Variants in CACNA1C observed in about 807,000 individuals in gnomAD.
CACNA1C encodes the protein calcium voltage-gated channel subunit alpha1 C.
In CACNA1C, 30 loss-of-function variants were observed where a neutral mutation model predicts 229.0. That is an observed-to-expected ratio of 0.13 (90% confidence interval 0.10 to 0.18). The LOEUF is 0.18. CACNA1C is among the 10% of genes least tolerant of loss of function. The pLI is 1.00. For synonymous variants in CACNA1C, 1,114 were observed against 1,132.5 expected, an observed-to-expected ratio of 0.98 and a Z score of 0.33; for missense variants, 1,658 against 2,845.0, an observed-to-expected ratio of 0.58 and a Z score of 9.49.
intron 13 of CACNA1C, among the ~76,000 whole-genome samples, chr12:2,573,032 T>A (rs566221438): frequency 6.6e-6 from 1 of 151,020 alleles, no homozygotes; most frequent in Non-Finnish European, 1.5e-5. Flanking sequence ...TTCTTCTTCC[T>A]TTTCTTCTTC....
At chr12:2,336,803 A>G (rs1167104008) in intron 3 of CACNA1C, among the ~76,000 whole-genome samples, 3 of 152,096 alleles carry the variant, frequency 2.0e-5, no homozygotes, top group Non-Finnish European at 4.4e-5. Flanking sequence ...CTTCAGAATT[A>G]ACACAACAGC....
chr12:2,674,770 T>G, intron 39 of CACNA1C, 128 bp downstream of exon 39: 1 of 886,374 alleles, frequency 1.1e-6, no homozygotes, highest in Non-Finnish European at 1.7e-6. Context: ...TTGAGTCCCC[T>G]AGGCTTGCTG....
Position 2,467,218 on chromosome 12 carries a change from CCG to C in CACNA1C, c.757+9514_757+9515del, listed in dbSNP as rs1364652540. Among the ~76,000 whole-genome samples the C allele has an allele frequency of 1.3e-5, 2 of 152,168 alleles. No homozygotes were observed. The highest frequency in any genetic ancestry group is 2.4e-5 in the African/African-American group (1 of 41,454). On this transcript the variant is annotated intron_variant, in intron 5 of 46. Transcript: ENST00000399655. The surrounding 1 kb of genome is among the most constrained non-coding windows in gnomAD (Gnocchi z 4.6). ...GCCACAGGAAGTACTCAAACCTTGT[CCG>C]CTGTATGTGTCTCATGGCACTGTTC...
chr12:2,587,014 G>A (rs1421448297), intron 18 of CACNA1C, among the ~76,000 whole-genome samples: 4 of 152,230 alleles, frequency 2.6e-5, no homozygotes, highest in Non-Finnish European at 1.5e-5. Context: ...TGATCCTGAA[G>A]CAACAAATAC....
chr12:2,074,000 G>T (rs2062262361), intron 1 of CACNA1C, among the ~76,000 whole-genome samples: 1 of 152,160 alleles, frequency 6.6e-6, no homozygotes, highest in Non-Finnish European at 1.5e-5. Flanking sequence ...GCCTAGGCAG[G>T]AGTGAAGGTA....
chr12:2,502,435 C>T (rs538117150), intron 7 of CACNA1C, among the ~76,000 whole-genome samples: 1 of 152,316 alleles, frequency 6.6e-6, no homozygotes, highest in South Asian at 2.1e-4. Flanking sequence ...GATACAGTTA[C>T]CAAGTGAGAA....
Position 2,032,756 on chromosome 12 carries a change from A to G in CACNA1C, c.139+61555A>G, listed in dbSNP as rs537956807. Among the ~76,000 whole-genome samples the G allele has an allele frequency of 3.9e-5, 6 of 152,328 alleles. No individual in the cohort carries two copies. The South Asian group carries it at 8.3e-4, about 21-fold the overall frequency. ...CTAACAACTGTGCTGTGTTTTCTTC[A>G]TATTCCGTATTCCTGAGATGCTGCT... On this transcript the variant is annotated intron_variant, in intron 1 of 46. Transcript: ENST00000682462.
intron 31 of CACNA1C, 126 bp downstream of exon 31, chr12:2,648,633 G>A: frequency 1.3e-6 from 1 of 790,368 alleles, no homozygotes; most frequent in Non-Finnish European, 2.2e-6. Context: ...TGGCCACTGT[G>A]TCTGCCGTGT....
intron 27 of CACNA1C, among the ~76,000 whole-genome samples, chr12:2,609,235 GT>G (rs2076570219): frequency 6.6e-6 from 1 of 152,146 alleles, no homozygotes; most frequent in African/African-American, 2.4e-5. Context: ...TCTGTTAGCC[GT>G]GAAGAGCTGG....
At chr12:2,371,807 C>T (rs1040704347) in intron 3 of CACNA1C, among the ~76,000 whole-genome samples, 1 of 149,010 alleles carries the variant, frequency 6.7e-6, no homozygotes, top group South Asian at 2.1e-4. Context: ...GACTGGAGGC[C>T]GTTCTTTCCA....
At chr12:2,021,215 T>G (rs2154487636) in intron 1 of CACNA1C, among the ~76,000 whole-genome samples, 1 of 152,278 alleles carries the variant, frequency 6.6e-6, no homozygotes, top group South Asian at 2.1e-4. Context: ...CATTTTTATC[T>G]TACAGTTGAG....
intron 3 of CACNA1C, among the ~76,000 whole-genome samples, chr12:2,391,994 G>A: frequency 6.6e-6 from 1 of 152,220 alleles, no homozygotes; most frequent in East Asian, 1.9e-4. Flanking sequence ...GGACAGCCTT[G>A]TTTTAAACTC....
At chr12:2,423,881 G>A (rs560568306) in intron 3 of CACNA1C, among the ~76,000 whole-genome samples, 2 of 152,262 alleles carry the variant, frequency 1.3e-5, no homozygotes, top group East Asian at 1.9e-4. Flanking sequence ...CTCAACCTCC[G>A]ATAATCTGGT....
chr12:2,622,079 G>C (rs2083546353), intron 29 of CACNA1C, among the ~76,000 whole-genome samples: 1 of 152,186 alleles, frequency 6.6e-6, no homozygotes, highest in Non-Finnish European at 1.5e-5. Flanking sequence ...GAGGCCAAGA[G>C]CCAGGAAGGC....
In CACNA1C at chr12:2,033,678, C is replaced by T. The variant is rs532070984; in HGVS notation, c.139+62477C>T. The stretch of plus-strand genomic sequence containing the variant: ...CAACAAAACAACAACAACATCCCAG[C>T]TCGCTCTCATTTAAAATCATTCCCC... On this transcript the variant is annotated intron_variant, in intron 1 of 46. Coordinates refer to the CACNA1C transcript ENST00000682462. 1.2e-4 allele frequency among the ~76,000 whole-genome samples: 18 copies of T among 152,342 alleles called. 1 individual carries two copies. In the South Asian group the frequency reaches 3.5e-3, roughly 30 times the overall value.
chr12:2,493,130 T>C lies in CACNA1C; in HGVS notation c.917-60T>C, dbSNP rs956133689. On this transcript the variant is annotated intron_variant, in intron 6 of 46. Coordinates refer to ENST00000399655, the MANE Select transcript of CACNA1C (RefSeq NM_000719.7). The surrounding 1 kb of genome is among the most constrained non-coding windows in gnomAD (Gnocchi z 4.6). ...GTCACTTTTCTCTCTGACTTCTTTCTCTGCCCACATCTCTCCCTCCCTGCT... is the reference window on the plus strand; with the variant it reads ...GTCACTTTTCTCTCTGACTTCTTTCCCTGCCCACATCTCTCCCTCCCTGCT... The C allele has an allele frequency of 2.8e-5, 40 of 1,442,862 alleles. No homozygotes were observed. The highest frequency in any genetic ancestry group is 3.6e-5 in the Non-Finnish European group (37 of 1,030,212). 89.4% of individuals were successfully genotyped at this position (1,442,862 alleles called of 1,614,324 possible). A position where few individuals can be genotyped will look rare whatever the true frequency, so the allele number is the denominator to read the frequency against.
intron 9 of CACNA1C, among the ~76,000 whole-genome samples, chr12:2,530,442 CT>C (rs2099838165): frequency 6.6e-6 from 1 of 152,228 alleles, no homozygotes; most frequent in South Asian, 2.1e-4. Context: ...AGTAAAAACT[CT>C]TTCCAGTTAA....
chr12:2,311,562 A>G (rs1244497782), intron 3 of CACNA1C, among the ~76,000 whole-genome samples: 1 of 152,220 alleles, frequency 6.6e-6, no homozygotes, highest in African/African-American at 2.4e-5. Flanking sequence ...TCTCTCGCAC[A>G]GCAAACAGGC....
chr12:2,012,187 C>CT (rs1353599448), intron 1 of CACNA1C, among the ~76,000 whole-genome samples: 1 of 152,104 alleles, frequency 6.6e-6, no homozygotes, highest in Non-Finnish European at 1.5e-5. Flanking sequence ...AGCTAGAACT[C>CT]TAATAGTGGG....
Sources: allele counts gnomAD v4.1 joint callset (sites outside exome capture counted in the v4.1 genomes callset), GRCh38; gene constraint gnomAD v4.1.1; non-coding constraint Gnocchi (gnomAD v3.1); transcripts MANE v1.5; gene names NCBI Gene and HGNC (gene_info 2026-07-23, HGNC 2026-07-21).